Variants in CDHR2 observed in about 807,000 individuals in gnomAD.
The protein encoded by CDHR2 is cadherin-related family member 2.
CDHR2 carries 104 observed loss-of-function variants against 138.6 expected under a neutral mutation model. The observed-to-expected ratio is 0.75, with a 90% CI of 0.64 to 0.88. The LOEUF (loss-of-function observed/expected upper bound fraction) is 0.88. Ranked by LOEUF, CDHR2 falls within the 40% of genes least tolerant of loss-of-function variation. The pLI is 0.00. For synonymous variants in CDHR2, 755 were observed against 742.8 expected (o/e 1.02, Z -0.27); for missense variants, 1,624 against 1,727.6 (o/e 0.94, Z 1.06).
At chr5:176,556,102 A>G (rs1458170231) in intron 1 of CDHR2, among the ~76,000 whole-genome samples, 3 of 152,136 alleles carry the variant, frequency 2.0e-5, no homozygotes, top group Non-Finnish European at 4.4e-5. Flanking sequence ...CCTGGAATAC[A>G]CCTGGTTCTT....
At chr5:176,587,895 C>T (rs1758706527) in intron 21 of CDHR2, among the ~76,000 whole-genome samples, 3 of 152,216 alleles carry the variant, frequency 2.0e-5, no homozygotes, top group Admixed American at 1.3e-4. Context: ...CTTAAGACAG[C>T]TTCCCAATCT....
Position 176,584,805 on chromosome 5 carries a change from C to G in CDHR2, c.2524C>G (p.Leu842Val), listed in dbSNP as rs74457909. ...VASDVDTSAQ[L>V]EIQLVNILCT... ...CTCGGATGTGGACACCAGTGCCCAG[C>G]TGGAGATACAGCTTGTGAACATTCT... Residue 842 changes from leucine to valine, a missense_variant, in exon 19 of 32, where the codon CTG (leucine) becomes GTG (valine). Coordinates refer to ENST00000261944, the MANE Select transcript of CDHR2 (RefSeq NM_017675.6). 4 of 1,614,218 alleles carry G rather than the reference C, an allele frequency of 2.5e-6. No individual in the cohort carries two copies. Among genetic ancestry groups the G allele is most frequent in the African/African-American group, 2.7e-5 (2 of 75,066 alleles).
intron 1 of CDHR2, among the ~76,000 whole-genome samples, chr5:176,558,812 G>T (rs1050328299): frequency 1.3e-5 from 2 of 152,198 alleles, no homozygotes; most frequent in Non-Finnish European, 2.9e-5. Context: ...GAGCCACCGC[G>T]CCCGGTTGCT....
chr5:176,583,162 C>T (rs1403955529), intron 17 of CDHR2, among the ~76,000 whole-genome samples: 1 of 152,206 alleles, frequency 6.6e-6, no homozygotes, highest in African/African-American at 2.4e-5. Context: ...CAGGTTTCTT[C>T]ACCCCTGTGA....
At chr5:176,579,364 AC>A (rs963881742) in intron 16 of CDHR2, among the ~76,000 whole-genome samples, 2 of 152,234 alleles carry the variant, frequency 1.3e-5, no homozygotes, top group African/African-American at 4.8e-5. Context: ...TCAGGAGACA[AC>A]AGGCTCAGAA....
At chr5:176,580,538 A>G (rs971165227) in intron 16 of CDHR2, among the ~76,000 whole-genome samples, 5 of 151,354 alleles carry the variant, frequency 3.3e-5, no homozygotes, top group African/African-American at 1.2e-4. Flanking sequence ...CAAAAAAAAA[A>G]AAAAAGAAAG....
chr5:176,579,983 A>G (rs1272060917), intron 16 of CDHR2, among the ~76,000 whole-genome samples: 1 of 152,152 alleles, frequency 6.6e-6, no homozygotes, highest in East Asian at 1.9e-4. Flanking sequence ...AAGGTGTGGG[A>G]GGCATCGGGG....
rs774884477 is a variant in CDHR2 at position 176,585,919 on chromosome 5, G to A, written c.2735-35G>A. ...CCCAGGCTCTTTGGGTCAAGCTTTT[G>A]CCCAGAGCCAAAGCCAGCTGACCTT... On this transcript the variant is annotated intron_variant, in intron 19 of 31. Transcript: ENST00000261944. The A allele has an allele frequency of 1.9e-6, 3 of 1,561,614 alleles. No individual in the cohort carries two copies. In the African/African-American group the frequency reaches 4.1e-5, roughly 21 times the overall value.
intron 1 of CDHR2, among the ~76,000 whole-genome samples, chr5:176,550,890 G>C (rs1463864172): frequency 6.6e-6 from 1 of 152,036 alleles, no homozygotes; most frequent in Non-Finnish European, 1.5e-5. Context: ...CTCAGCCAAG[G>C]CTGAAGAGCT....
chr5:176,578,546 G>T lies in CDHR2; in HGVS notation c.1756G>T (p.Val586Phe). The T allele has an allele frequency of 6.2e-7, 1 of 1,614,076 alleles. No homozygotes were observed. Among genetic ancestry groups the T allele is most frequent in the Non-Finnish European group, 8.5e-7 (1 of 1,180,042 alleles). ...LLDINDNAPVVSGSYNIFVQE... is the reference protein window; with the variant it reads ...LLDINDNAPVFSGSYNIFVQE... ...GGACATCAACGACAATGCACCCGTG[G>T]TTAGCGGCTCCTACAACATCTTCGT... The change falls in exon 16 of 32, where the codon GTT (valine) becomes TTT (phenylalanine). Residue 586 changes from valine to phenylalanine, a missense_variant. Coordinates refer to ENST00000261944, the MANE Select transcript of CDHR2 (RefSeq NM_017675.6).
chr5:176,581,304 T>C, intron 16 of CDHR2, 39 bp from the exon 17 acceptor site: 1 of 1,605,762 alleles, frequency 6.2e-7, no homozygotes, highest in Non-Finnish European at 8.5e-7. Flanking sequence ...GGGCTGGGAA[T>C]GCCGATGGCC....
intron 6 of CDHR2, among the ~76,000 whole-genome samples, chr5:176,571,669 T>C (rs1260894408): frequency 2.0e-5 from 3 of 152,156 alleles, no homozygotes; most frequent in Non-Finnish European, 4.4e-5. Flanking sequence ...CCCAAGTAGC[T>C]GGGACTACAG....
intron 19 of CDHR2, among the ~76,000 whole-genome samples, chr5:176,585,692 C>T (rs1201606111): frequency 6.6e-6 from 1 of 152,144 alleles, no homozygotes; most frequent in Non-Finnish European, 1.5e-5. Flanking sequence ...CCACACAGGC[C>T]AGAGAAGACC....
Position 176,576,923 on chromosome 5 carries a change from C to T in CDHR2, c.1195-476C>T, listed in dbSNP as rs914895045. 2.0e-5 allele frequency among the ~76,000 whole-genome samples: 3 copies of T among 151,996 alleles called. No individual in the cohort carries two copies. Among genetic ancestry groups the T allele is most frequent in the East Asian group, 1.9e-4 (1 of 5,168 alleles). On this transcript the variant is annotated intron_variant, in intron 12 of 31. Coordinates refer to ENST00000261944, the MANE Select transcript of CDHR2 (RefSeq NM_017675.6). The surrounding 1 kb of genome is among the most constrained non-coding windows in gnomAD (Gnocchi z 4.5). ...AGGCTGCAGTGAGAGGTGGGTAACA[C>T]GGTGGCGCTGGAGGATGAGTAACTC...
Position 176,592,408 on chromosome 5 carries a change from TTGG to T in CDHR2, c.3735-312_3735-310del, listed in dbSNP as rs1758903239. On this transcript the variant is annotated intron_variant, in intron 30 of 31. Transcript: ENST00000261944. ...TATGATGATGATGGTGGTGGTGGTG[TTGG>T]TGTTGAGGTGATGGTGATGGTGGTG... 3.3e-5 allele frequency among the ~76,000 whole-genome samples: 4 copies of T among 119,708 alleles called. No individual in the cohort carries two copies. In the South Asian group the frequency reaches 1.1e-3, roughly 33 times the overall value. The allele number at this position is 119,708 out of a possible 152,430, so 78.5% of individuals were successfully genotyped here. A position where few individuals can be genotyped will look rare whatever the true frequency, so the allele number is the denominator to read the frequency against.
Position 176,591,492 on chromosome 5 carries a change from G to A in CDHR2, c.3734+8G>A, listed in dbSNP as rs376050864. 8.1e-6 allele frequency: 13 copies of A among 1,607,952 alleles called. No homozygotes were observed. Among genetic ancestry groups the A allele is most frequent in the African/African-American group, 6.7e-5 (5 of 74,818 alleles). On this transcript the variant is annotated splice_region_variant and intron_variant, in intron 30 of 31. Coordinates refer to ENST00000261944, the MANE Select transcript of CDHR2 (RefSeq NM_017675.6). ...TGACCTGGACTCTGTCAGGTGAGCA[G>A]TGCCCCTCACAGCCAGGCTAGGTGG... is the stretch of plus-strand genomic sequence containing the variant.
Position 176,577,507 on chromosome 5 carries a change from G to A in CDHR2, c.1303G>A (p.Val435Ile), listed in dbSNP as rs755178887. The A allele has an allele frequency of 3.7e-6, 6 of 1,612,694 alleles. No homozygotes were observed. Among genetic ancestry groups the A allele is most frequent in the Non-Finnish European group, 5.1e-6 (6 of 1,179,654 alleles). The change falls in exon 13 of 32, where the codon GTA becomes ATA. Residue 435 changes from valine (V) to isoleucine (I), a missense_variant. Val to Ile is a conservative substitution (Grantham distance 29). Coordinates refer to ENST00000261944, the MANE Select transcript of CDHR2 (RefSeq NM_017675.6). ...GSASVQVLVR[V>I]SALVDYERQT... The stretch of plus-strand genomic sequence containing the variant: ...AGCCTCCGTTCAGGTGCTGGTGAGA[G>A]TATCCGCGCTGGTGGACTACGAGAG...
Position 176,569,025 on chromosome 5 carries a change from G to T in CDHR2, c.315+15G>T. The T allele has an allele frequency of 6.2e-7, 1 of 1,613,934 alleles. No homozygotes were observed. Among genetic ancestry groups the T allele is most frequent in the South Asian group, 1.1e-5 (1 of 91,074 alleles). ...CCTACATCCAGGTGAGTTGGGAGGT[G>T]CAGGGGGGTAGACAGGGATTGCGAG... On this transcript the variant is annotated intron_variant, in intron 5 of 31. Transcript: ENST00000261944.
At chr5:176,594,417 C>G (rs148904498) in intron 31 of CDHR2, among the ~76,000 whole-genome samples, 43 of 152,298 alleles carry the variant, frequency 2.8e-4, no homozygotes, top group African/African-American at 1.0e-3. Flanking sequence ...AAGCTCCACA[C>G]GTCTGTGTGG....
Sources: gnomAD v4.1 joint callset for allele counts (sites outside exome capture counted in the v4.1 genomes callset) on GRCh38, gnomAD v4.1.1 for gene constraint, Gnocchi (gnomAD v3.1) non-coding constraint, MANE v1.5 for transcripts, NCBI Gene and HGNC (gene_info 2026-07-23, HGNC 2026-07-21) for gene names.